Variants in GNB1L observed in about 807,000 individuals in gnomAD.
The protein encoded by GNB1L is G protein subunit beta 1 like, also known as guanine nucleotide-binding protein subunit beta-like protein 1.
In GNB1L, 20 loss-of-function variants were observed where a neutral mutation model predicts 29.1. The ratio of observed to expected loss-of-function variants is 0.69; its 90% CI spans 0.48 to 1.00. The LOEUF (loss-of-function observed/expected upper bound fraction) is 1.00. Ranked by LOEUF, GNB1L falls within the 50% of genes least tolerant of loss-of-function variation. GNB1L has a pLI of 0.00. For missense variants in GNB1L, 421 were observed against 464.9 expected (o/e 0.91, Z 0.87); for synonymous variants, 193 against 206.5 (o/e 0.93, Z 0.56).
At chr22:19,794,633 A>G (rs1402485302) in intron 7 of GNB1L, among the ~76,000 whole-genome samples, 2 of 152,256 alleles carry the variant, frequency 1.3e-5, no homozygotes, top group Non-Finnish European at 2.9e-5. Context: ...CAGGCATGTC[A>G]ATAATTACAG....
intron 2 of GNB1L, chr22:19,847,813 A>AAAAAAAAAAAAAAAAAAAAC: frequency 1.1e-6 from 1 of 938,558 alleles, no homozygotes; most frequent in Non-Finnish European, 1.3e-6. Context: ...GCAAAAAAAA[A>AAAAAAAAAAAAAAAAAAAAC]AAAAAAAAAA....
chr22:19,835,130 A>G (rs146615986), intron 2 of GNB1L, among the ~76,000 whole-genome samples: 2 of 152,272 alleles, frequency 1.3e-5, no homozygotes, highest in Non-Finnish European at 2.9e-5. Context: ...AACTGATGGA[A>G]CTGAAAGTAG....
intron 2 of GNB1L, among the ~76,000 whole-genome samples, chr22:19,843,174 C>G (rs531446811): frequency 3.0e-4 from 45 of 152,314 alleles, no homozygotes; most frequent in South Asian, 8.3e-4. Flanking sequence ...CCTCTCAGCC[C>G]GTCTGTCAAC....
intron 7 of GNB1L, among the ~76,000 whole-genome samples, chr22:19,799,047 C>A (rs1362496735): frequency 6.6e-6 from 1 of 152,260 alleles, no homozygotes; most frequent in Non-Finnish European, 1.5e-5. Flanking sequence ...TAAAGGGAAG[C>A]CTCTGGCAGA....
At chr22:19,807,190 C>T (rs1338264356) in intron 5 of GNB1L, among the ~76,000 whole-genome samples, 8 of 152,200 alleles carry the variant, frequency 5.3e-5, no homozygotes, top group African/African-American at 1.2e-4. Flanking sequence ...AGGGCAGCTC[C>T]GGGAAACCTG....
chr22:19,797,292 G>C (rs1937317377), intron 7 of GNB1L, among the ~76,000 whole-genome samples: 1 of 151,442 alleles, frequency 6.6e-6, no homozygotes, highest in South Asian at 2.1e-4. Flanking sequence ...TGTGGCCCTG[G>C]GCAGTTCTGG....
intron 2 of GNB1L, among the ~76,000 whole-genome samples, chr22:19,831,002 G>C (rs1262629978): frequency 1.3e-5 from 2 of 152,226 alleles, no homozygotes; most frequent in African/African-American, 4.8e-5. Context: ...AGTGGATCTG[G>C]GATCCATATG....
At chr22:19,839,483 C>T (rs1358235521) in intron 2 of GNB1L, among the ~76,000 whole-genome samples, 1 of 152,114 alleles carries the variant, frequency 6.6e-6, no homozygotes, top group Non-Finnish European at 1.5e-5. Context: ...GTGGTTCATG[C>T]CTCTAATCCC....
intron 2 of GNB1L, among the ~76,000 whole-genome samples, chr22:19,823,627 C>A (rs931062040): frequency 7.2e-5 from 11 of 152,182 alleles, no homozygotes; most frequent in African/African-American, 2.7e-4. Flanking sequence ...GTCCAGGAAG[C>A]AGAGCCTGAC....
chr22:19,801,968 G>C, intron 7 of GNB1L, 33 bp downstream of exon 7: 1 of 1,505,208 alleles, frequency 6.6e-7, no homozygotes, highest in Non-Finnish European at 9.0e-7. Flanking sequence ...GTGCAGAGCA[G>C]GATAAATGAG....
In GNB1L at chr22:19,792,541, T is replaced by A. The variant is rs115222281; in HGVS notation, c.733-3581A>T. 3.6e-3 allele frequency: 5,511 copies of A among 1,546,242 alleles called. 175 individuals carry two copies. The African/African-American group carries it at 0.067, about 19-fold the overall frequency. ...AAAGTGCCTCCTGCAATTAACCAGT[T>A]CACCTAGGCCCTGGACTGCCAAACA... is the stretch of plus-strand genomic sequence containing the variant. On this transcript the variant is annotated intron_variant, in intron 7 of 7. Transcript: ENST00000329517.
intron 7 of GNB1L, among the ~76,000 whole-genome samples, chr22:19,797,618 C>A (rs1937321618): frequency 6.6e-6 from 1 of 152,134 alleles, no homozygotes; most frequent in Admixed American, 6.5e-5. Flanking sequence ...GCAGCCCTCA[C>A]CCTGGCCTGG....
Position 19,808,585 on chromosome 22 carries a change from G to A in GNB1L, c.418-1828C>T, listed in dbSNP as rs566815872. On this transcript the variant is annotated intron_variant, in intron 5 of 7. Transcript: ENST00000329517. ...CTCAAGGAGAAGCTCTAGCCACATGGAAATATAGGAACATTGATGTCCAAA... is the reference window on the plus strand; with the variant it reads ...CTCAAGGAGAAGCTCTAGCCACATGAAAATATAGGAACATTGATGTCCAAA... Among the ~76,000 whole-genome samples the A allele has an allele frequency of 3.9e-5, 6 of 152,354 alleles. No homozygotes were observed. In the East Asian group the frequency reaches 9.6e-4, roughly 25 times the overall value.
chr22:19,799,496 T>C (rs1322235194), intron 7 of GNB1L, among the ~76,000 whole-genome samples: 3 of 152,188 alleles, frequency 2.0e-5, no homozygotes, highest in Non-Finnish European at 4.4e-5. Flanking sequence ...CACCAGTGGC[T>C]CTCGTAGCGC....
At chr22:19,822,440 C>G (rs1035141722) in intron 2 of GNB1L, among the ~76,000 whole-genome samples, 1 of 152,248 alleles carries the variant, frequency 6.6e-6, no homozygotes, top group African/African-American at 2.4e-5. Flanking sequence ...GCCTCGCACT[C>G]CACCTCAGCC....
chr22:19,806,970 C>T (rs1474106003), intron 5 of GNB1L, among the ~76,000 whole-genome samples: 1 of 152,216 alleles, frequency 6.6e-6, no homozygotes, highest in Non-Finnish European at 1.5e-5. Flanking sequence ...GCAGCTGCCC[C>T]AGCCTCTCCC....
At chr22:19,850,582 C>T (rs895670855) in intron 2 of GNB1L, 1 of 1,168,388 alleles carries the variant, frequency 8.6e-7, no homozygotes, top group East Asian at 3.9e-5. Flanking sequence ...GGTAATCCCA[C>T]AGGAAACATC....
At chr22:19,837,593 G>C (rs7285368) in intron 2 of GNB1L, among the ~76,000 whole-genome samples, 31,777 of 152,194 alleles carry the variant, frequency 0.21, 3,480 homozygotes, top group East Asian at 0.35. Flanking sequence ...CATTCCAGTT[G>C]CTGGAAAGCT....
At chr22:19,841,476 T>G (rs534044597) in intron 2 of GNB1L, among the ~76,000 whole-genome samples, 3 of 152,150 alleles carry the variant, frequency 2.0e-5, no homozygotes, top group East Asian at 3.9e-4. Flanking sequence ...AAACAAATAA[T>G]TTAAAAAAAT....
Sources: allele counts gnomAD v4.1 joint callset (sites outside exome capture counted in the v4.1 genomes callset), GRCh38; gene constraint gnomAD v4.1.1; transcripts MANE v1.5; gene names NCBI Gene and HGNC (gene_info 2026-07-23, HGNC 2026-07-21).